HELZ: variants seen among roughly 807,000 people sequenced by gnomAD.
The protein encoded by HELZ is ATP-dependent RNA helicase with zinc finger domain.
In HELZ, 23 loss-of-function variants were observed where a neutral mutation model predicts 218.2. That is an observed-to-expected ratio of 0.11 (90% CI 0.08 to 0.15). HELZ has a LOEUF of 0.15. Among genes scored for constraint, HELZ ranks in the 10% least tolerant of loss-of-function variants. The pLI is 1.00. For synonymous variants in HELZ, 814 were observed against 829.4 expected (o/e 0.98, Z 0.32); for missense variants, 1,813 against 2,353.7 (o/e 0.77, Z 4.75).
chr17:67,242,252 C>T (rs1252047362), intron 2 of HELZ, among the ~76,000 whole-genome samples: 1 of 152,072 alleles, frequency 6.6e-6, no homozygotes, highest in African/African-American at 2.4e-5. Flanking sequence ...CCTCTCTCTA[C>T]TAAAAATACA....
In HELZ at chr17:67,239,495, A is replaced by C. The variant is rs926769970; in HGVS notation, c.-75-6T>G. The C allele has an allele frequency of 2.6e-5, 4 of 152,386 alleles. No homozygotes were observed. Among genetic ancestry groups the C allele is most frequent in the South Asian group, 4.1e-4 (2 of 4,830 alleles). The allele number at this position is 152,386 out of a possible 1,614,324, so 9.4% of individuals were successfully genotyped here. A position where few individuals can be genotyped will look rare whatever the true frequency, so the allele number is the denominator to read the frequency against. On this transcript the variant is annotated splice_region_variant and splice_polypyrimidine_tract_variant and intron_variant, in intron 2 of 32. Coordinates refer to ENST00000358691, the MANE Select transcript of HELZ (RefSeq NM_014877.4). ...ATCAGAGCTCTTTATAATTTCTGAAAGACAAAGAAGAAAGTTTTTTTAATA... is the reference window on the plus strand; with the variant it reads ...ATCAGAGCTCTTTATAATTTCTGAACGACAAAGAAGAAAGTTTTTTTAATA...
chr17:67,214,648 AC>A (rs2040548974), intron 5 of HELZ, among the ~76,000 whole-genome samples: 1 of 151,914 alleles, frequency 6.6e-6, no homozygotes, highest in Admixed American at 6.6e-5. Context: ...CAGCACCACT[AC>A]CCCCAAATTC....
Position 67,218,858 on chromosome 17 carries a change from T to TA in HELZ, c.-18-37dup. ...GGAGAAAGAACAAGAGAAGGTTTTTTAAACTTATTAATTATAAATTCTAGC... is the reference window on the plus strand; with the variant it reads ...GGAGAAAGAACAAGAGAAGGTTTTTTAAAACTTATTAATTATAAATTCTAGC... On this transcript the variant is annotated intron_variant, in intron 3 of 32. Transcript: ENST00000358691. The TA allele has an allele frequency of 2.8e-6, 4 of 1,450,920 alleles. No homozygotes were observed. In the Admixed American group the frequency reaches 7.0e-5, roughly 25 times the overall value. The allele number at this position is 1,450,920 out of a possible 1,614,324, so 89.9% of individuals were successfully genotyped here. A position where few individuals can be genotyped will look rare whatever the true frequency, so the allele number is the denominator to read the frequency against.
chr17:67,109,821 AT>A, intron 28 of HELZ, 135 bp from the exon 29 acceptor site: 1 of 583,618 alleles, frequency 1.7e-6, no homozygotes, highest in Non-Finnish European at 2.8e-6. Context: ...GTGCTCAATT[AT>A]TTACTTTCTC....
At chr17:67,211,065 C>T (rs2040437775) in intron 5 of HELZ, among the ~76,000 whole-genome samples, 1 of 152,172 alleles carries the variant, frequency 6.6e-6, no homozygotes, top group African/African-American at 2.4e-5. Context: ...TGGTCGCTGG[C>T]TTGGCAATCT....
rs1023179897 is a variant in HELZ, at chr17:67,109,812, T to G, written c.3919-126A>C. ...GATATCTTCCAGCAGGAGAGCTGAGTGCTCAATTATTTACTTTCTCACAAT... is the reference window on the plus strand; with the variant it reads ...GATATCTTCCAGCAGGAGAGCTGAGGGCTCAATTATTTACTTTCTCACAAT... On this transcript the variant is annotated intron_variant, in intron 28 of 32. Coordinates refer to ENST00000358691, the MANE Select transcript of HELZ (RefSeq NM_014877.4). The G allele has an allele frequency of 4.3e-5, 27 of 629,204 alleles. No individual in the cohort carries two copies. In the African/African-American group the frequency reaches 4.8e-4, roughly 11 times the overall value. 39.0% of individuals were successfully genotyped at this position (629,204 alleles called of 1,614,324 possible). A position where few individuals can be genotyped will look rare whatever the true frequency, so the allele number is the denominator to read the frequency against.
At chr17:67,083,243 C>T (rs2036254050) in intron 32 of HELZ, among the ~76,000 whole-genome samples, 1 of 152,162 alleles carries the variant, frequency 6.6e-6, no homozygotes, top group Non-Finnish European at 1.5e-5. Context: ...CTTGTCTAAC[C>T]ATGAATACAA....
intron 31 of HELZ, among the ~76,000 whole-genome samples, chr17:67,098,585 A>G (rs1049709258): frequency 4.6e-5 from 7 of 151,742 alleles, no homozygotes; most frequent in South Asian, 4.2e-4. Flanking sequence ...AAAAAAAAAA[A>G]AAAGAAAAAT....
At chr17:67,215,349 C>G (rs2040569157) in intron 5 of HELZ, among the ~76,000 whole-genome samples, 1 of 136,614 alleles carries the variant, frequency 7.3e-6, no homozygotes, top group Non-Finnish European at 1.6e-5. Context: ...GCTATTCAAA[C>G]TTTTTTTTTT....
intron 6 of HELZ, 55 bp downstream of exon 6, chr17:67,203,264 G>A (rs2040214472): frequency 1.3e-6 from 2 of 1,577,294 alleles, no homozygotes; most frequent in Non-Finnish European, 1.7e-6. Context: ...ATATACCTAA[G>A]GAATCAAATA....
At chr17:67,135,875 T>C in intron 23 of HELZ, 95 bp downstream of exon 23, 2 of 1,004,372 alleles carry the variant, frequency 2.0e-6, no homozygotes, top group South Asian at 3.3e-5. Flanking sequence ...AACCTGTTTT[T>C]AATTAGCCAG....
Position 67,071,095 on chromosome 17 carries a change from A to T in HELZ, c.*7157T>A, listed in dbSNP as rs16960542. 0.28 allele frequency: 42,210 copies of T among 152,328 alleles called. 7,451 individuals are homozygous for T. The highest frequency in any genetic ancestry group is 0.69 in the East Asian group (3,563 of 5,176). The allele number at this position is 152,328 out of a possible 1,614,324, so 9.4% of individuals were successfully genotyped here. ...TAATCACCATATTTACCTAGGATACAACTACTACATATAGCCAGTACCTTT... is the reference window on the plus strand; with the variant it reads ...TAATCACCATATTTACCTAGGATACTACTACTACATATAGCCAGTACCTTT... On this transcript the variant is annotated 3_prime_UTR_variant, in exon 33 of 33. Transcript: ENST00000358691.
chr17:67,137,820 T>C (rs901041155), intron 22 of HELZ, 111 bp downstream of exon 22: 44 of 779,640 alleles, frequency 5.6e-5, no homozygotes, highest in Admixed American at 1.1e-4. Context: ...GAACTTGATA[T>C]GAAATGAACA....
intron 31 of HELZ, among the ~76,000 whole-genome samples, chr17:67,104,467 G>C (rs1312602691): frequency 6.6e-6 from 1 of 151,002 alleles, no homozygotes; most frequent in African/African-American, 2.4e-5. Flanking sequence ...CTATAAAAAG[G>C]AAATGTAAAA....
At chr17:67,211,875 G>A (rs946807553) in intron 5 of HELZ, among the ~76,000 whole-genome samples, 2 of 151,778 alleles carry the variant, frequency 1.3e-5, no homozygotes, top group Admixed American at 6.6e-5. Context: ...AGAAGAAAAG[G>A]GGAAGGGAAG....
intron 21 of HELZ, among the ~76,000 whole-genome samples, chr17:67,143,068 G>C (rs2038381998): frequency 6.6e-6 from 1 of 152,040 alleles, no homozygotes; most frequent in Non-Finnish European, 1.5e-5. Context: ...GCCAAGGAGG[G>C]ACATTTAAAA....
At chr17:67,224,319 T>C (rs142265513) in intron 3 of HELZ, 1 of 158,000 alleles carries the variant, frequency 6.3e-6, no homozygotes, top group African/African-American at 2.4e-5. Flanking sequence ...GCAACTGAAG[T>C]CTATACAGGA....
intron 26 of HELZ, among the ~76,000 whole-genome samples, chr17:67,122,245 C>T (rs1183788359): frequency 6.6e-6 from 1 of 151,910 alleles, no homozygotes; most frequent in Non-Finnish European, 1.5e-5. Context: ...TCTACCAATA[C>T]AAAAAATTAG....
chr17:67,196,886 G>A (rs533181876), intron 7 of HELZ, among the ~76,000 whole-genome samples: 3 of 152,098 alleles, frequency 2.0e-5, no homozygotes, highest in Non-Finnish European at 2.9e-5. Context: ...TCCAAATCTT[G>A]TCCAAACAGG....
Sources: gnomAD v4.1 joint callset for allele counts (sites outside exome capture counted in the v4.1 genomes callset) on GRCh38, gnomAD v4.1.1 for gene constraint, MANE v1.5 for transcripts, NCBI Gene and HGNC (gene_info 2026-07-23, HGNC 2026-07-21) for gene names.